The following ZNF469 variants were observed in gnomAD, a reference collection of about 807,000 sequenced individuals.
ZNF469 encodes zinc finger protein 469.
A neutral mutation model predicts 1.0 loss-of-function variants in ZNF469; 1 was observed. The ratio of observed to expected loss-of-function variants is 1.00; its 90% CI spans 0.35 to 4.73. ZNF469 has a LOEUF of 4.73. ZNF469 is among the 30% of genes most tolerant of loss of function. The pLI is 0.16. For synonymous variants in ZNF469, 2,703 were observed against 2,363.4 expected (o/e 1.14, Z -4.17); for missense variants, 6,100 against 5,356.3 (o/e 1.14, Z -4.33).
the ZNF469 span, among the ~76,000 whole-genome samples, chr16:88,104,216 T>A: frequency 6.9e-6 from 1 of 144,114 alleles, no homozygotes; most frequent in Non-Finnish European, 1.5e-5. Flanking sequence ...GACTGTCCGA[T>A]GGGGACGTCA....
the ZNF469 span, among the ~76,000 whole-genome samples, chr16:88,157,628 T>A: frequency 1.1e-3 from 165 of 152,114 alleles, no homozygotes; most frequent in African/African-American, 3.6e-3. Context: ...GGGCTGGAAG[T>A]GCCATAGCAG....
At chr16:88,326,714 C>T in the ZNF469 span, among the ~76,000 whole-genome samples, 3 of 152,168 alleles carry the variant, frequency 2.0e-5, no homozygotes, top group African/African-American at 4.8e-5. Context: ...ATGGGACCCC[C>T]GCTGTGAAAG....
chr16:88,436,360 G>C lies in ZNF469; in HGVS notation c.8890G>C (p.Glu2964Gln). The change falls in exon 3 of 3, where the codon GAG (glutamate) becomes CAG (glutamine). Residue 2964 changes from glutamate to glutamine, a missense_variant. By Grantham distance (29) the Glu-to-Gln change is conservative. Coordinates refer to ENST00000565624, the MANE Select transcript of ZNF469 (RefSeq NM_001367624.2). ...CCCCGGCCTCAGCCTGTGGGCCCTG[G>C]AGCCCAGCAGGGAAGCTGGTGCAGA... is the stretch of plus-strand genomic sequence containing the variant. ...WAPGLSLWALEPSREAGAEKL... is the reference protein window; with the variant it reads ...WAPGLSLWALQPSREAGAEKL... The C allele has an allele frequency of 5.8e-6, 9 of 1,550,094 alleles. No homozygotes were observed. Among genetic ancestry groups the C allele is most frequent in the Non-Finnish European group, 7.8e-6 (9 of 1,146,826 alleles).
chr16:88,114,012 A>G, the ZNF469 span, among the ~76,000 whole-genome samples: 2 of 152,162 alleles, frequency 1.3e-5, no homozygotes, highest in Admixed American at 1.3e-4. Context: ...TCCGGCGAGC[A>G]CCATGGGTGG....
At chr16:88,149,242 G>C in the ZNF469 span, among the ~76,000 whole-genome samples, 1 of 152,236 alleles carries the variant, frequency 6.6e-6, no homozygotes, top group Admixed American at 6.5e-5. Context: ...TTCCTGGAAA[G>C]AGATGTGCAC....
chr16:88,399,844 G>A (rs1330160018), intron 1 of ZNF469, among the ~76,000 whole-genome samples: 1 of 152,230 alleles, frequency 6.6e-6, no homozygotes, highest in African/African-American at 2.4e-5. Context: ...ACAGCAGCCA[G>A]GACGGCAGCC....
chr16:88,336,018 A>C, the ZNF469 span, among the ~76,000 whole-genome samples: 1 of 151,594 alleles, frequency 6.6e-6, no homozygotes, highest in Non-Finnish European at 1.5e-5. Context: ...TTCATCCTTC[A>C]TGTGAGACAG....
chr16:88,345,824 G>A, the ZNF469 span, among the ~76,000 whole-genome samples: 5 of 152,072 alleles, frequency 3.3e-5, no homozygotes, highest in South Asian at 8.3e-4. Flanking sequence ...TTGCCAGCCC[G>A]CCCGCCAGGC....
At chr16:88,401,461 G>T (rs982634957) in intron 1 of ZNF469, among the ~76,000 whole-genome samples, 3 of 32,928 alleles carry the variant, frequency 9.1e-5, no homozygotes. Context: ...ATGGATAGGT[G>T]GGTGGGCAGA....
the ZNF469 span, among the ~76,000 whole-genome samples, chr16:88,184,946 A>G: frequency 1.4e-5 from 2 of 141,804 alleles, no homozygotes; most frequent in Non-Finnish European, 3.3e-5. Context: ...CCTCACACTC[A>G]TGTGAACACA....
chr16:88,395,235 GTAGA>G (rs376930880), intron 1 of ZNF469, among the ~76,000 whole-genome samples: 2,606 of 138,436 alleles, frequency 0.019, 225 homozygotes, highest in African/African-American at 0.063. Flanking sequence ...GGGTGGATGG[GTAGA>G]TGGATGGATG....
chr16:88,132,997 T>C, the ZNF469 span, among the ~76,000 whole-genome samples: 5,056 of 151,918 alleles, frequency 0.033, no homozygotes, highest in African/African-American at 0.11. Context: ...GCGGTGGGCA[T>C]GCTGGGAGAG....
chr16:88,263,278 G>A, the ZNF469 span, among the ~76,000 whole-genome samples: 1 of 152,150 alleles, frequency 6.6e-6, no homozygotes, highest in East Asian at 1.9e-4. Flanking sequence ...ACGAACTAGG[G>A]GATTGGGATT....
At chr16:88,127,913 CAA>C in the ZNF469 span, among the ~76,000 whole-genome samples, 1 of 152,192 alleles carries the variant, frequency 6.6e-6, no homozygotes, top group African/African-American at 2.4e-5. Context: ...CAGTGAAGAT[CAA>C]AGAGTTTATT....
chr16:88,154,937 G>C, the ZNF469 span, among the ~76,000 whole-genome samples: 65 of 152,226 alleles, frequency 4.3e-4, no homozygotes, highest in African/African-American at 1.5e-3. Context: ...GCGCTTCTGG[G>C]CAGTGGGGTG....
chr16:88,129,362 G>T, the ZNF469 span, among the ~76,000 whole-genome samples: 48 of 152,288 alleles, frequency 3.2e-4, no homozygotes, highest in Middle Eastern at 3.4e-3. Context: ...CACTGCCTCT[G>T]TTCTTCCTTG....
chr16:88,429,129 G>A lies in ZNF469; in HGVS notation c.1659G>A (p.Met553Ile), dbSNP rs1905928397. 1 of 1,549,978 alleles carries A rather than the reference G, an allele frequency of 6.5e-7. No individual in the cohort carries two copies. The highest frequency in any genetic ancestry group is 8.7e-7 in the Non-Finnish European group (1 of 1,146,876). The change falls in exon 3 of 3, where the codon ATG (methionine) becomes ATA (isoleucine). Residue 553 changes from methionine (M) to isoleucine (I), a missense_variant. By Grantham distance (10) the Met-to-Ile change is conservative (BLOSUM62 1). Transcript: ENST00000565624. ...CAGCACTGTTCACCTACAACGGAAT[G>A]ACAGACCCTGGGGCTCAGCCCCTGT... is the stretch of plus-strand genomic sequence containing the variant. ...GSPALFTYNG[M>I]TDPGAQPLFF...
the ZNF469 span, among the ~76,000 whole-genome samples, chr16:88,322,047 C>A: frequency 6.6e-6 from 1 of 152,340 alleles, no homozygotes; most frequent in Non-Finnish European, 1.5e-5. Flanking sequence ...AGAGAGGCCT[C>A]ACTATTGGAA....
chr16:88,392,984 G>A (rs72805314), intron 1 of ZNF469, among the ~76,000 whole-genome samples: 16,773 of 152,290 alleles, frequency 0.11, 1,075 homozygotes, highest in African/African-American at 0.17. Context: ...CCCGGAGTCC[G>A]CCAGGTCCTG....
Sources: gnomAD v4.1 joint callset for allele counts (sites outside exome capture counted in the v4.1 genomes callset) on GRCh38, gnomAD v4.1.1 for gene constraint, MANE v1.5 for transcripts, NCBI Gene and HGNC (gene_info 2026-07-23, HGNC 2026-07-21) for gene names.